Variants in BCAR3 observed in about 807,000 individuals in gnomAD.
BCAR3 encodes the protein BCAR3 adaptor protein, NSP family member.
BCAR3 carries 37 observed loss-of-function variants against 80.1 expected under a neutral mutation model. The observed-to-expected ratio is 0.46, with a 90% confidence interval of 0.36 to 0.61. The LOEUF (loss-of-function observed/expected upper bound fraction) is 0.61, where lower values mean the gene tolerates loss of function less well. Among genes scored for constraint, BCAR3 ranks in the 20% least tolerant of loss-of-function variants. The probability of loss-of-function intolerance (pLI) is 0.00; values close to 1 mark genes in which losing one functional copy is unlikely to be tolerated. For missense variants in BCAR3, 978 were observed against 1,068.2 expected, an observed-to-expected ratio of 0.92 and a Z score of 1.18; for synonymous variants, 389 against 418.9, an observed-to-expected ratio of 0.93 and a Z score of 0.87.
intron 3 of BCAR3, among the ~76,000 whole-genome samples, chr1:93,687,016 C>G (rs1417294535): frequency 3.3e-5 from 5 of 152,206 alleles, no homozygotes; most frequent in African/African-American, 4.8e-5. Flanking sequence ...TTGTCACAGC[C>G]AGTAATTATT....
At chr1:93,798,663 G>A (rs1653368299) in intron 2 of BCAR3, among the ~76,000 whole-genome samples, 1 of 152,178 alleles carries the variant, frequency 6.6e-6, no homozygotes, top group Non-Finnish European at 1.5e-5. Flanking sequence ...CAACTGTGCT[G>A]ACTTTACTTT....
chr1:93,838,847 T>A (rs1654860900), intron 2 of BCAR3, among the ~76,000 whole-genome samples: 1 of 152,156 alleles, frequency 6.6e-6, no homozygotes, highest in African/African-American at 2.4e-5. Context: ...ACAGAATGGA[T>A]CATTTCAAGG....
chr1:93,567,575 G>A (rs1031553207), intron 10 of BCAR3, 84 bp from the exon 11 acceptor site: 31 of 1,501,264 alleles, frequency 2.1e-5, no homozygotes, highest in Admixed American at 5.7e-5. Context: ...CCCTTGTCTT[G>A]TTACAGCAAC....
intron 2 of BCAR3, among the ~76,000 whole-genome samples, chr1:93,776,060 C>A (rs939564347): frequency 6.6e-6 from 1 of 152,118 alleles, no homozygotes; most frequent in East Asian, 1.9e-4. Context: ...AGCAATCAAG[C>A]TGCAGTGAAT....
intron 2 of BCAR3, among the ~76,000 whole-genome samples, chr1:93,778,253 C>A (rs1652644227): frequency 6.6e-6 from 1 of 151,902 alleles, no homozygotes; most frequent in South Asian, 2.1e-4. Context: ...TGTTTCTAGG[C>A]CTTAATAGTG....
intron 2 of BCAR3, among the ~76,000 whole-genome samples, chr1:93,816,443 C>A (rs1461074031): frequency 1.3e-5 from 2 of 151,944 alleles, no homozygotes; most frequent in African/African-American, 4.8e-5. Flanking sequence ...GAGGTTGAGG[C>A]AGGCAGATCA....
At chr1:93,826,487 CTCTG>C (rs1410218460) in intron 2 of BCAR3, among the ~76,000 whole-genome samples, 1 of 152,208 alleles carries the variant, frequency 6.6e-6, no homozygotes, top group South Asian at 2.1e-4. Flanking sequence ...ATATATCCAT[CTCTG>C]TCTATTTGTC....
At chr1:93,594,017 C>G (rs556492034) in intron 3 of BCAR3, among the ~76,000 whole-genome samples, 1 of 152,156 alleles carries the variant, frequency 6.6e-6, no homozygotes, top group Non-Finnish European at 1.5e-5. Flanking sequence ...TGACACCGTC[C>G]GCTCCCATCA....
At chr1:93,669,167 A>G (rs1374607479) in intron 2 of BCAR3, among the ~76,000 whole-genome samples, 1 of 152,090 alleles carries the variant, frequency 6.6e-6, no homozygotes, top group East Asian at 1.9e-4. Flanking sequence ...ATTAACCCTG[A>G]GCTAAAGGCT....
At chr1:93,694,070 A>T (rs1415434991) in intron 3 of BCAR3, among the ~76,000 whole-genome samples, 1 of 152,262 alleles carries the variant, frequency 6.6e-6, no homozygotes, top group Non-Finnish European at 1.5e-5. Context: ...ATGTCTAAAA[A>T]GTATCAGAGG....
chr1:93,808,340 C>A (rs915086886), intron 2 of BCAR3, among the ~76,000 whole-genome samples: 1 of 152,066 alleles, frequency 6.6e-6, no homozygotes, highest in Non-Finnish European at 1.5e-5. Context: ...CAGAAAAAAA[C>A]CACAGATTCT....
At chr1:93,694,659 C>T (rs892276074) in intron 3 of BCAR3, among the ~76,000 whole-genome samples, 7 of 152,208 alleles carry the variant, frequency 4.6e-5, no homozygotes, top group African/African-American at 1.7e-4. Flanking sequence ...CAGAATCATG[C>T]ACATCCCCTG....
upstream of BCAR3, among the ~76,000 whole-genome samples, chr1:93,686,680 A>G (rs1648983188): frequency 6.6e-6 from 1 of 152,208 alleles, no homozygotes; most frequent in African/African-American, 2.4e-5. Flanking sequence ...GAGAATTATC[A>G]AAGGTCTTCA....
intron 3 of BCAR3, among the ~76,000 whole-genome samples, chr1:93,696,164 T>G (rs954002350): frequency 5.9e-5 from 9 of 152,106 alleles, no homozygotes; most frequent in Non-Finnish European, 1.2e-4. Flanking sequence ...TCCCGAGTAG[T>G]TGGAATTACA....
chr1:93,809,414 T>G (rs1653753917), intron 2 of BCAR3, among the ~76,000 whole-genome samples: 1 of 150,360 alleles, frequency 6.7e-6, no homozygotes, highest in Admixed American at 6.7e-5. Flanking sequence ...GTGGGGGGAG[T>G]CGTGGGGCAG....
intron 2 of BCAR3, among the ~76,000 whole-genome samples, chr1:93,745,417 G>T (rs1272897690): frequency 6.6e-6 from 1 of 152,218 alleles, no homozygotes; most frequent in Non-Finnish European, 1.5e-5. Flanking sequence ...ACAGGCCCTT[G>T]TGATTATTCA....
intron 8 of BCAR3, among the ~76,000 whole-genome samples, chr1:93,573,544 T>C (rs889362224): frequency 3.3e-5 from 5 of 151,798 alleles, no homozygotes; most frequent in African/African-American, 4.8e-5. Flanking sequence ...CTTTTCTCCA[T>C]TTATCTCCTT....
chr1:93,604,712 T>G (rs1674724298), intron 3 of BCAR3, among the ~76,000 whole-genome samples: 1 of 152,224 alleles, frequency 6.6e-6, no homozygotes, highest in African/African-American at 2.4e-5. Context: ...GAAGCTCAGT[T>G]TTATTTTGAT....
chr1:93,778,969 G>C (rs1332964333), intron 2 of BCAR3, among the ~76,000 whole-genome samples: 1 of 152,132 alleles, frequency 6.6e-6, no homozygotes, highest in African/African-American at 2.4e-5. Flanking sequence ...GTCATGGTAG[G>C]AGCTCAATTT....
Sources: gnomAD v4.1 joint callset for allele counts (sites outside exome capture counted in the v4.1 genomes callset) on GRCh38, gnomAD v4.1.1 for gene constraint, MANE v1.5 for transcripts, NCBI Gene and HGNC (gene_info 2026-07-23, HGNC 2026-07-21) for gene names.